The following CCBE1 variants were observed in gnomAD, a reference collection of about 807,000 sequenced individuals.
CCBE1 encodes collagen and calcium binding EGF domains 1.
In CCBE1, 37 loss-of-function variants were observed where a neutral mutation model predicts 50.0. The observed-to-expected ratio is 0.74, with a 90% CI of 0.57 to 0.97. The LOEUF (loss-of-function observed/expected upper bound fraction) is 0.97. CCBE1 is among the 50% of genes least tolerant of loss of function. CCBE1 has a pLI of 0.00. For missense variants in CCBE1, 538 were observed against 523.8 expected (o/e 1.03, Z -0.26); for synonymous variants, 234 against 203.7 (o/e 1.15, Z -1.27).
At chr18:59,540,957 T>C (rs1339732501) in intron 2 of CCBE1, among the ~76,000 whole-genome samples, 2 of 152,200 alleles carry the variant, frequency 1.3e-5, no homozygotes, top group African/African-American at 4.8e-5. Context: ...TGGAAAAATA[T>C]CAACTCAAAG....
At chr18:59,592,543 T>A (rs1247636212) in intron 2 of CCBE1, among the ~76,000 whole-genome samples, 2 of 152,228 alleles carry the variant, frequency 1.3e-5, no homozygotes, top group East Asian at 3.8e-4. Context: ...AATATATTGA[T>A]AAGCAAAGAA....
chr18:59,563,454 A>AT lies in CCBE1; in HGVS notation c.213-83217dup, dbSNP rs767262834. Reference sequence around the variant, plus strand: ...AAAATTGAAGTAAAAATTCAGCCATATTTTTTTCTGTGAATCAGGAAGATA... The same window carrying AT: ...AAAATTGAAGTAAAAATTCAGCCATATTTTTTTTCTGTGAATCAGGAAGATA... On this transcript the variant is annotated intron_variant, in intron 2 of 10. Transcript: ENST00000439986. Among the ~76,000 whole-genome samples, 19 of 152,208 alleles carry AT rather than the reference A, an allele frequency of 1.2e-4. No individual in the cohort carries two copies. In the South Asian group the frequency reaches 1.9e-3, roughly 15 times the overall value.
intron 3 of CCBE1, among the ~76,000 whole-genome samples, chr18:59,476,537 T>C (rs113633421): frequency 7.3e-4 from 111 of 152,342 alleles, no homozygotes; most frequent in African/African-American, 2.5e-3. Flanking sequence ...TAATTTGTTG[T>C]AGTGCAAAAG....
chr18:59,651,259 G>C (rs2054124191), intron 2 of CCBE1, among the ~76,000 whole-genome samples: 1 of 152,210 alleles, frequency 6.6e-6, no homozygotes, highest in Non-Finnish European at 1.5e-5. Flanking sequence ...CATGAAGCAA[G>C]TTGACACACA....
At chr18:59,539,196 C>CAA (rs763047358) in intron 2 of CCBE1, among the ~76,000 whole-genome samples, 34,238 of 147,612 alleles carry the variant, frequency 0.23, 4,058 homozygotes, top group Admixed American at 0.26. Context: ...CACACACACA[C>CAA]ACACAAAAAA....
intron 3 of CCBE1, among the ~76,000 whole-genome samples, chr18:59,479,981 A>G (rs1182982454): frequency 1.3e-5 from 2 of 152,256 alleles, no homozygotes; most frequent in African/African-American, 4.8e-5. Flanking sequence ...AATGTGTGCA[A>G]GCACATCATG....
chr18:59,672,627 C>G (rs139389520), intron 2 of CCBE1, among the ~76,000 whole-genome samples: 14 of 152,228 alleles, frequency 9.2e-5, no homozygotes, highest in Admixed American at 6.5e-5. Flanking sequence ...AGCTGAACCA[C>G]TGCAGCCTGC....
chr18:59,578,551 T>A (rs2053035590), intron 2 of CCBE1, among the ~76,000 whole-genome samples: 1 of 152,172 alleles, frequency 6.6e-6, no homozygotes, highest in African/African-American at 2.4e-5. Context: ...CCAACCCAAA[T>A]GCCCATCAAT....
At chr18:59,437,428 G>T (rs1161069299) in intron 10 of CCBE1, among the ~76,000 whole-genome samples, 1 of 152,150 alleles carries the variant, frequency 6.6e-6, no homozygotes, top group African/African-American at 2.4e-5. Flanking sequence ...CACAGTGGGG[G>T]GCAAGAATGC....
intron 2 of CCBE1, among the ~76,000 whole-genome samples, chr18:59,625,786 C>A (rs895487816): frequency 6.6e-6 from 1 of 152,076 alleles, no homozygotes; most frequent in Non-Finnish European, 1.5e-5. Context: ...AAACTTGATT[C>A]CCATTGTGTT....
rs1050751800 is a variant in CCBE1, at chr18:59,480,074, C to A, written c.265+112G>T. On this transcript the variant is annotated intron_variant, in intron 3 of 10. Coordinates refer to ENST00000439986, the MANE Select transcript of CCBE1 (RefSeq NM_133459.4). ...GCCAAAAAATATACACAGACAGATA[C>A]ACAGATAATCAGACACAGATAAGAC... 8.8e-5 allele frequency: 68 copies of A among 774,926 alleles called. No individual in the cohort carries two copies. The Middle Eastern group carries it at 1.4e-3, about 16-fold the overall frequency. The allele number at this position is 774,926 out of a possible 1,614,324, so 48.0% of individuals were successfully genotyped here.
In CCBE1 at chr18:59,466,743, G is replaced by A. The variant is rs776864309; in HGVS notation, c.549C>T (p.Asp183=). ...ATTTAGACTTGCCCTACTTACCAGT[G>A]TCATTGGGATATTTGTCTCCCCTGG... ...TCTRGDKYPN[D]TGHEKSENMV... Residue 183 remains aspartate, a synonymous_variant, in exon 5 of 11, where the codon GAC becomes GAT. Coordinates refer to ENST00000439986, the MANE Select transcript of CCBE1 (RefSeq NM_133459.4). 2 of 1,612,242 alleles carry A rather than the reference G, an allele frequency of 1.2e-6. No individual in the cohort carries two copies. The highest frequency in any genetic ancestry group is 1.3e-5 in the African/African-American group (1 of 74,904).
At chr18:59,686,854 A>G (rs1025489592) in intron 2 of CCBE1, among the ~76,000 whole-genome samples, 1 of 152,222 alleles carries the variant, frequency 6.6e-6, no homozygotes, top group Non-Finnish European at 1.5e-5. Context: ...AAAACCCTTC[A>G]AACTTTCTCA....
intron 3 of CCBE1, among the ~76,000 whole-genome samples, chr18:59,478,369 T>A (rs1013289585): frequency 8.5e-5 from 13 of 152,236 alleles, no homozygotes; most frequent in Non-Finnish European, 1.2e-4. Context: ...GTACTTTGCA[T>A]TCTTTGATGA....
chr18:59,647,698 T>C (rs749396115), intron 2 of CCBE1, among the ~76,000 whole-genome samples: 2 of 152,244 alleles, frequency 1.3e-5, no homozygotes, highest in South Asian at 4.1e-4. Flanking sequence ...AAATGTGCAA[T>C]GTTCATCTAG....
At chr18:59,530,573 C>G (rs1423875742) in intron 2 of CCBE1, among the ~76,000 whole-genome samples, 4 of 152,158 alleles carry the variant, frequency 2.6e-5, no homozygotes, top group African/African-American at 9.7e-5. Context: ...AGCACTCTTT[C>G]CCTCCTGTAC....
chr18:59,571,029 GCC>G (rs1411085586), intron 2 of CCBE1, among the ~76,000 whole-genome samples: 1 of 152,110 alleles, frequency 6.6e-6, no homozygotes, highest in African/African-American at 2.4e-5. Context: ...ATGAACTTCA[GCC>G]AGAAATTCAC....
chr18:59,515,599 G>A (rs1172268163), intron 2 of CCBE1, among the ~76,000 whole-genome samples: 1 of 152,166 alleles, frequency 6.6e-6, no homozygotes, highest in African/African-American at 2.4e-5. Flanking sequence ...TAAGTTTGAT[G>A]AAAATTAATT....
chr18:59,681,860 C>A (rs180965794), intron 2 of CCBE1, among the ~76,000 whole-genome samples: 144 of 152,322 alleles, frequency 9.5e-4, no homozygotes, highest in African/African-American at 3.2e-3. Flanking sequence ...GAGATGATCA[C>A]CCTTGTGTTA....
Sources: allele counts gnomAD v4.1 joint callset (sites outside exome capture counted in the v4.1 genomes callset), GRCh38; gene constraint gnomAD v4.1.1; transcripts MANE v1.5; gene names NCBI Gene and HGNC (gene_info 2026-07-23, HGNC 2026-07-21).